GRIK4: variants seen among roughly 807,000 people sequenced by gnomAD.
GRIK4 encodes the protein glutamate ionotropic receptor kainate type subunit 4, also known as glutamate receptor ionotropic, kainate 4.
Under a neutral mutation model 104.9 loss-of-function variants are expected in GRIK4, and 40 were observed. The ratio of observed to expected loss-of-function variants is 0.38; its 90% CI spans 0.30 to 0.50. The LOEUF is 0.50. Ranked by LOEUF, GRIK4 falls within the 20% of genes least tolerant of loss-of-function variation. The pLI is 0.93. For synonymous variants in GRIK4, 485 were observed against 524.9 expected (o/e 0.92, Z 1.04); for missense variants, 1,047 against 1,308.1 (o/e 0.80, Z 3.08).
At chr11:120,893,921 C>T (rs548686826) in intron 11 of GRIK4, among the ~76,000 whole-genome samples, 1 of 152,196 alleles carries the variant, frequency 6.6e-6, no homozygotes, top group Admixed American at 6.5e-5. Flanking sequence ...GGTCTTTTTG[C>T]TCGGCTCTAG....
intron 3 of GRIK4, among the ~76,000 whole-genome samples, chr11:120,667,203 C>T (rs897494018): frequency 2.0e-5 from 3 of 152,240 alleles, no homozygotes; most frequent in African/African-American, 4.8e-5. Context: ...ATTGTGTCCT[C>T]ATTAATAACC....
At chr11:120,613,567 A>G (rs570243344) in intron 1 of GRIK4, among the ~76,000 whole-genome samples, 6 of 152,370 alleles carry the variant, frequency 3.9e-5, no homozygotes, top group Admixed American at 3.3e-4. Context: ...GCGTGTGTGC[A>G]TGTGTACACA....
chr11:120,537,012 C>T (rs1947984630), intron 1 of GRIK4, among the ~76,000 whole-genome samples: 1 of 152,092 alleles, frequency 6.6e-6, no homozygotes, highest in Admixed American at 6.5e-5. Context: ...GTGCCCAGTG[C>T]GTAGGGCCTC....
At chr11:120,757,315 G>A (rs1187394031) in intron 3 of GRIK4, among the ~76,000 whole-genome samples, 4 of 152,264 alleles carry the variant, frequency 2.6e-5, no homozygotes, top group Admixed American at 2.6e-4. Flanking sequence ...AATGGGAGTA[G>A]CATGGGCTTT....
chr11:120,793,325 CTGGTCAGGG>C (rs1329978745), intron 3 of GRIK4, among the ~76,000 whole-genome samples: 1 of 151,888 alleles, frequency 6.6e-6, no homozygotes, highest in African/African-American at 2.4e-5. Context: ...GAGGGCACAG[CTGGTCAGGG>C]TGGTCAGGGG....
chr11:120,579,909 C>CCCCACCT (rs774124253), intron 1 of GRIK4, among the ~76,000 whole-genome samples: 6 of 152,146 alleles, frequency 3.9e-5, no homozygotes, highest in Non-Finnish European at 7.3e-5. Flanking sequence ...CACACTCCCT[C>CCCCACCT]CCCACCTCCC....
At chr11:120,562,294 C>A (rs1446807295) in intron 1 of GRIK4, among the ~76,000 whole-genome samples, 4 of 152,226 alleles carry the variant, frequency 2.6e-5, no homozygotes, top group African/African-American at 9.6e-5. Flanking sequence ...TAATCATTTT[C>A]CAATAAGGCA....
At chr11:120,789,430 A>G (rs996963687) in intron 3 of GRIK4, among the ~76,000 whole-genome samples, 1 of 151,960 alleles carries the variant, frequency 6.6e-6, no homozygotes, top group Non-Finnish European at 1.5e-5. Flanking sequence ...TTATCTCACT[A>G]GAATCTGCCT....
chr11:120,898,534 C>G lies in GRIK4; in HGVS notation c.1167C>G (p.Ile389Met), dbSNP rs748528917. The change falls in exon 12 of 21, where the codon ATC (isoleucine) becomes ATG (methionine). Residue 389 changes from isoleucine to methionine, a missense_variant and splice_region_variant. This residue lies in a region of GRIK4 where 440 missense variants were observed against 652.3 expected (regional missense o/e 0.67). Coordinates refer to ENST00000527524, the MANE Select transcript of GRIK4 (RefSeq NM_014619.5). ...LQFTRNGFRQ[I>M]GQWHVAEGLS... ...GTCCTCTCCGTTGGTCTCCTCAGAT[C>G]GGCCAGTGGCACGTGGCAGAGGGCC... 1 of 1,581,056 alleles carries G rather than the reference C, an allele frequency of 6.3e-7. No individual in the cohort carries two copies. The highest frequency in any genetic ancestry group is 8.7e-7 in the Non-Finnish European group (1 of 1,149,978).
At chr11:120,779,250 G>A (rs552704276) in intron 3 of GRIK4, among the ~76,000 whole-genome samples, 1 of 152,302 alleles carries the variant, frequency 6.6e-6, no homozygotes, top group African/African-American at 2.4e-5. Flanking sequence ...CAGGGCGAAG[G>A]AAGGTGAAGA....
At chr11:120,768,852 G>A (rs750468581) in intron 3 of GRIK4, among the ~76,000 whole-genome samples, 3 of 152,142 alleles carry the variant, frequency 2.0e-5, no homozygotes, top group Non-Finnish European at 4.4e-5. Context: ...TGATTGAATT[G>A]CATATGTTAA....
intron 3 of GRIK4, among the ~76,000 whole-genome samples, chr11:120,774,459 T>C (rs1952002448): frequency 6.6e-6 from 1 of 152,130 alleles, no homozygotes. Context: ...CCAAGGAGGA[T>C]TGCAGGTCAG....
intron 3 of GRIK4, among the ~76,000 whole-genome samples, chr11:120,791,735 TG>T (rs1181858261): frequency 6.6e-6 from 1 of 152,212 alleles, no homozygotes; most frequent in African/African-American, 2.4e-5. Flanking sequence ...GTTATGTCTA[TG>T]GTCCATTTTT....
intron 1 of GRIK4, among the ~76,000 whole-genome samples, chr11:120,519,876 TTTTG>T (rs1226025489): frequency 2.0e-4 from 22 of 110,886 alleles, no homozygotes; most frequent in Admixed American, 3.6e-4. Context: ...TTTTTTTTTT[TTTTG>T]TTTTTTTTTT....
At chr11:120,784,616 C>T (rs1200595293) in intron 3 of GRIK4, among the ~76,000 whole-genome samples, 1 of 152,132 alleles carries the variant, frequency 6.6e-6, no homozygotes, top group Non-Finnish European at 1.5e-5. Context: ...GGCTTAGGGT[C>T]ACCCTGTCTA....
intron 9 of GRIK4, chr11:120,870,849 C>T (rs1484561121): frequency 2.6e-5 from 4 of 152,086 alleles, no homozygotes; most frequent in Middle Eastern, 3.2e-3. Context: ...CAGGTTCAAG[C>T]GATTCTCCTG....
rs796390996 is a variant in GRIK4 at position 120,986,665 on chromosome 11, G to GAA, written c.*416_*417dup. The GAA allele has an allele frequency of 6.7e-5, 10 of 149,466 alleles. No individual in the cohort carries two copies. Among genetic ancestry groups the GAA allele is most frequent in the Non-Finnish European group, 1.2e-4 (8 of 69,072 alleles). The allele number at this position is 149,466 out of a possible 1,614,324, so 9.3% of individuals were successfully genotyped here. A position where few individuals can be genotyped will look rare whatever the true frequency, so the allele number is the denominator to read the frequency against. ...ATGTACCCTCCGTCTAGTTCTTACA[G>GAA]AAAAAAAAAAAATTAAACAGGGAAG... is the stretch of plus-strand genomic sequence containing the variant. On this transcript the variant is annotated 3_prime_UTR_variant, in exon 21 of 21. Coordinates refer to ENST00000527524, the MANE Select transcript of GRIK4 (RefSeq NM_014619.5).
chr11:120,758,622 T>C (rs1951692973), intron 3 of GRIK4, among the ~76,000 whole-genome samples: 1 of 152,226 alleles, frequency 6.6e-6, no homozygotes, highest in Non-Finnish European at 1.5e-5. Context: ...CTTGAAATTA[T>C]TTAGGTGTTA....
chr11:120,753,883 A>G (rs1462432861), intron 3 of GRIK4, among the ~76,000 whole-genome samples: 1 of 152,160 alleles, frequency 6.6e-6, no homozygotes, highest in East Asian at 1.9e-4. Flanking sequence ...ACCGTTAGGC[A>G]AGCTTCATCA....
Sources: allele counts gnomAD v4.1 joint callset (sites outside exome capture counted in the v4.1 genomes callset), GRCh38; gene constraint gnomAD v4.1.1; regional missense constraint gnomAD v4.1.1; transcripts MANE v1.5; gene names NCBI Gene and HGNC (gene_info 2026-07-23, HGNC 2026-07-21).